Variants in MIR2052HG observed in about 807,000 individuals in gnomAD.
MIR2052HG encodes the protein MIR2052 host gene.
intron 2 of MIR2052HG, among the ~76,000 whole-genome samples, chr8:74,652,964 G>T (rs1226454060): frequency 6.6e-6 from 1 of 152,166 alleles, no homozygotes; most frequent in Non-Finnish European, 1.5e-5. Context: ...TAGTTAGCAT[G>T]CCATAACAAA....
At chr8:74,675,325 T>A (rs1488580789) in intron 2 of MIR2052HG, among the ~76,000 whole-genome samples, 2 of 152,102 alleles carry the variant, frequency 1.3e-5, no homozygotes, top group African/African-American at 4.8e-5. Flanking sequence ...ACATACTTTC[T>A]GTTCCTTGTC....
At chr8:74,710,043 T>C (rs2128741665) in intron 4 of MIR2052HG, among the ~76,000 whole-genome samples, 1 of 152,326 alleles carries the variant, frequency 6.6e-6, no homozygotes, top group South Asian at 2.1e-4. Context: ...ATATCATTTG[T>C]GTTACCAAAT....
intron 4 of MIR2052HG, chr8:74,752,303 GT>G: frequency 5.0e-6 from 1 of 199,738 alleles, no homozygotes; most frequent in Non-Finnish European, 1.0e-5. Context: ...AAAAAAAAAA[GT>G]ATAGGATTTT....
rs145390830 is a variant in MIR2052HG at position 74,693,888 on chromosome 8, C to G, written n.217-8491C>G. Among the ~76,000 whole-genome samples the G allele has an allele frequency of 5.7e-4, 87 of 152,218 alleles. 1 individual carries two copies. In the East Asian group the frequency reaches 0.015, roughly 26 times the overall value. On this transcript the variant is annotated intron_variant and non_coding_transcript_variant, in intron 2 of 6. Coordinates refer to ENST00000523442, the Ensembl canonical transcript of MIR2052HG. ...GGTCTTTCCCTATCTACCTTGGTAGCCAAAGACAAAGGACGTAATCTCTTG... is the reference window on the plus strand; with the variant it reads ...GGTCTTTCCCTATCTACCTTGGTAGGCAAAGACAAAGGACGTAATCTCTTG...
chr8:74,619,258 A>T lies in MIR2052HG; in HGVS notation n.216+6318A>T, dbSNP rs1056167469. Among the ~76,000 whole-genome samples the T allele has an allele frequency of 6.2e-5, 7 of 113,556 alleles. No individual in the cohort carries two copies. In the South Asian group the frequency reaches 1.9e-3, roughly 30 times the overall value. 74.5% of individuals were successfully genotyped at this position (113,556 alleles called of 152,430 possible). A position where few individuals can be genotyped will look rare whatever the true frequency, so the allele number is the denominator to read the frequency against. ...AATTCTGATGACATTTTTTAAAGAA[A>T]TAAAAAAAAATTCTAAAATTTGTAT... On this transcript the variant is annotated intron_variant and non_coding_transcript_variant, in intron 2 of 6. Coordinates refer to ENST00000523442, the Ensembl canonical transcript of MIR2052HG.
intron 2 of MIR2052HG, among the ~76,000 whole-genome samples, chr8:74,687,418 A>G (rs1809193484): frequency 1.3e-5 from 2 of 152,192 alleles, no homozygotes; most frequent in South Asian, 2.1e-4. Flanking sequence ...AGCATTATTC[A>G]CAGTAGCCAA....
intron 4 of MIR2052HG, among the ~76,000 whole-genome samples, chr8:74,734,299 G>A (rs897028548): frequency 1.4e-4 from 21 of 152,130 alleles, no homozygotes; most frequent in African/African-American, 5.1e-4. Context: ...GTCTGTTAAG[G>A]TATCAGTCTG....
At chr8:74,634,773 A>T (rs753115332) in intron 2 of MIR2052HG, among the ~76,000 whole-genome samples, 57 of 152,158 alleles carry the variant, frequency 3.7e-4, no homozygotes, top group Non-Finnish European at 7.4e-5. Context: ...ACTACTTCAT[A>T]GGTATCGCAA....
chr8:74,715,227 C>T (rs1244781236), intron 4 of MIR2052HG, among the ~76,000 whole-genome samples: 1 of 152,036 alleles, frequency 6.6e-6, no homozygotes, highest in Non-Finnish European at 1.5e-5. Context: ...AGTTAAAGGC[C>T]TGCAGCTACT....
At chr8:74,647,634 G>T (rs912267651) in intron 2 of MIR2052HG, among the ~76,000 whole-genome samples, 2 of 152,190 alleles carry the variant, frequency 1.3e-5, no homozygotes, top group African/African-American at 4.8e-5. Context: ...AGAATTCTAA[G>T]TTAGCAACCT....
intron 4 of MIR2052HG, among the ~76,000 whole-genome samples, chr8:74,733,847 T>G (rs916333257): frequency 2.6e-5 from 4 of 151,392 alleles, no homozygotes; most frequent in Non-Finnish European, 4.4e-5. Context: ...GGTGAGCATT[T>G]TTTCATGTGT....
chr8:74,678,065 T>A (rs1809074290), intron 2 of MIR2052HG, among the ~76,000 whole-genome samples: 1 of 151,954 alleles, frequency 6.6e-6, no homozygotes, highest in Non-Finnish European at 1.5e-5. Flanking sequence ...ATATACAATA[T>A]CAAAACTGAC....
At chr8:74,603,465 G>A (rs775773205) in intron 1 of MIR2052HG, 38 of 1,603,366 alleles carry the variant, frequency 2.4e-5, no homozygotes, top group Middle Eastern at 1.7e-4. Context: ...TTATTTTGGC[G>A]CCTTGACGCC....
chr8:74,704,842 T>C (rs995574030), intron 4 of MIR2052HG, among the ~76,000 whole-genome samples: 1 of 152,100 alleles, frequency 6.6e-6, no homozygotes, highest in Non-Finnish European at 1.5e-5. Context: ...TGGCAACATA[T>C]CAAGTTTAAC....
intron 5 of MIR2052HG, among the ~76,000 whole-genome samples, chr8:74,756,366 C>CTCAT (rs1810000213): frequency 6.6e-6 from 1 of 152,158 alleles, no homozygotes; most frequent in African/African-American, 2.4e-5. Flanking sequence ...CACGAGTCCC[C>CTCAT]TCATTAGGAT....
At chr8:74,740,194 T>C (rs1364220726) in intron 4 of MIR2052HG, among the ~76,000 whole-genome samples, 3 of 152,204 alleles carry the variant, frequency 2.0e-5, no homozygotes, top group African/African-American at 7.2e-5. Flanking sequence ...CTAGGCGCAG[T>C]GGGTCACACC....
At chr8:74,609,821 A>G (rs966581031) in intron 1 of MIR2052HG, 5 of 151,134 alleles carry the variant, frequency 3.3e-5, no homozygotes, top group Non-Finnish European at 7.4e-5. Flanking sequence ...CCCACTATGA[A>G]CATATGTGAA....
intron 4 of MIR2052HG, among the ~76,000 whole-genome samples, chr8:74,741,826 A>C (rs1383566226): frequency 1.3e-5 from 2 of 152,182 alleles, no homozygotes; most frequent in African/African-American, 4.8e-5. Context: ...AATCACCAAG[A>C]TAAAGCACAA....
intron 2 of MIR2052HG, among the ~76,000 whole-genome samples, chr8:74,660,836 C>T (rs1367440049): frequency 6.7e-6 from 1 of 150,184 alleles, no homozygotes; most frequent in Non-Finnish European, 1.5e-5. Context: ...ATCTTGCTTT[C>T]ATACACGCTG....
Sources: gnomAD v4.1 joint callset for allele counts (sites outside exome capture counted in the v4.1 genomes callset) on GRCh38, gnomAD v4.1.1 for gene constraint, MANE v1.5 for transcripts, NCBI Gene and HGNC (gene_info 2026-07-23, HGNC 2026-07-21) for gene names.